Variants in ARK2C observed in about 807,000 individuals in gnomAD.
ARK2C encodes the protein arkadia (RNF111) C-terminal like ring finger ubiquitin ligase 2C, also known as E3 ubiquitin-protein ligase ARK2C.
chr18:46,362,642 G>A, the ARK2C span, among the ~76,000 whole-genome samples: 2,878 of 152,334 alleles, frequency 0.019, 44 homozygotes, highest in Non-Finnish European at 0.031. Flanking sequence ...CAGACATATG[G>A]TTTCTTGGCC....
the ARK2C span, among the ~76,000 whole-genome samples, chr18:46,453,534 A>G: frequency 6.6e-6 from 1 of 152,186 alleles, no homozygotes; most frequent in Non-Finnish European, 1.5e-5. Context: ...GGAATAAAAT[A>G]TTATAAAAAA....
chr18:46,429,765 ACT>A, the ARK2C span, among the ~76,000 whole-genome samples: 1 of 151,710 alleles, frequency 6.6e-6, no homozygotes, highest in Non-Finnish European at 1.5e-5. Flanking sequence ...TTTTTAAAAT[ACT>A]CTTTTTTTTT....
the ARK2C span, among the ~76,000 whole-genome samples, chr18:46,407,383 G>A: frequency 6.6e-6 from 1 of 152,018 alleles, no homozygotes; most frequent in Non-Finnish European, 1.5e-5. Context: ...TTTCTTGCTT[G>A]CTCACATGTT....
the ARK2C span, among the ~76,000 whole-genome samples, chr18:46,404,425 C>T: frequency 6.6e-6 from 1 of 152,114 alleles, no homozygotes; most frequent in Admixed American, 6.5e-5. Context: ...CAATGCACTC[C>T]ATCTTCATTG....
At chr18:46,422,211 T>C in the ARK2C span, among the ~76,000 whole-genome samples, 1 of 152,336 alleles carries the variant, frequency 6.6e-6, no homozygotes, top group East Asian at 1.9e-4. Context: ...TTAGCTTATG[T>C]AGTGTACCCC....
chr18:46,351,746 T>A, the ARK2C span, among the ~76,000 whole-genome samples: 1 of 152,182 alleles, frequency 6.6e-6, no homozygotes, highest in Non-Finnish European at 1.5e-5. Context: ...AGGCCTAGGT[T>A]TAAGTCCAGC....
At chr18:46,437,290 G>C in the ARK2C span, among the ~76,000 whole-genome samples, 1 of 152,070 alleles carries the variant, frequency 6.6e-6, no homozygotes, top group South Asian at 2.1e-4. Context: ...GGCCAGCCTA[G>C]TGGCGCCGAG....
chr18:46,425,314 AG>A, the ARK2C span, among the ~76,000 whole-genome samples: 1 of 152,214 alleles, frequency 6.6e-6, no homozygotes, highest in Non-Finnish European at 1.5e-5. Flanking sequence ...GTCAGCTGGC[AG>A]GCCTGCAACA....
the ARK2C span, among the ~76,000 whole-genome samples, chr18:46,417,461 C>A: frequency 6.6e-6 from 1 of 152,252 alleles, no homozygotes; most frequent in Admixed American, 6.5e-5. Context: ...AGGGCCTTTG[C>A]GTGTGCAGTT....
chr18:46,406,394 C>T, the ARK2C span, among the ~76,000 whole-genome samples: 1 of 152,218 alleles, frequency 6.6e-6, no homozygotes, highest in African/African-American at 2.4e-5. Context: ...CGGGGCTGGC[C>T]AGCTGGAATC....
At chr18:46,436,813 T>A in the ARK2C span, among the ~76,000 whole-genome samples, 1 of 152,238 alleles carries the variant, frequency 6.6e-6, no homozygotes, top group Non-Finnish European at 1.5e-5. Context: ...AAGATTTAAT[T>A]GCAATTTGGA....
chr18:46,433,248 G>C, the ARK2C span: 1 of 1,607,816 alleles, frequency 6.2e-7, no homozygotes, highest in Admixed American at 1.7e-5. Context: ...ACTTCCACCT[G>C]GGCCCCCCGC....
At chr18:46,410,770 G>T in the ARK2C span, among the ~76,000 whole-genome samples, 1 of 152,224 alleles carries the variant, frequency 6.6e-6, no homozygotes, top group East Asian at 1.9e-4. Context: ...GTTCTCATTG[G>T]TTTGGCTGCT....
chr18:46,442,985 G>T, the ARK2C span, among the ~76,000 whole-genome samples: 3 of 152,200 alleles, frequency 2.0e-5, no homozygotes, highest in East Asian at 5.8e-4. Context: ...TAGCACTTAC[G>T]GGGTATATCT....
the ARK2C span, among the ~76,000 whole-genome samples, chr18:46,396,269 G>A: frequency 5.3e-5 from 8 of 152,232 alleles, no homozygotes; most frequent in East Asian, 3.8e-4. Flanking sequence ...GGGAGCAGAA[G>A]TGAAGAGGAG....
the ARK2C span, among the ~76,000 whole-genome samples, chr18:46,403,319 AG>A: frequency 6.6e-6 from 1 of 152,198 alleles, no homozygotes; most frequent in Non-Finnish European, 1.5e-5. Context: ...GAACAGCCCA[AG>A]GCTAAGCACA....
At chr18:46,412,065 T>C in the ARK2C span, among the ~76,000 whole-genome samples, 3 of 152,164 alleles carry the variant, frequency 2.0e-5, no homozygotes, top group African/African-American at 7.2e-5. Context: ...TTAAATGCCC[T>C]CTCTTCCCCA....
the ARK2C span, among the ~76,000 whole-genome samples, chr18:46,379,094 A>G: frequency 6.6e-6 from 1 of 152,178 alleles, no homozygotes; most frequent in Non-Finnish European, 1.5e-5. Context: ...GCAATGAAGG[A>G]AAGGGAAGGC....
chr18:46,450,311 C>A, the ARK2C span: 1 of 1,613,858 alleles, frequency 6.2e-7, no homozygotes, highest in South Asian at 1.1e-5. Flanking sequence ...CCATGAAATC[C>A]GAAACTACCC....
Sources: allele counts gnomAD v4.1 joint callset (sites outside exome capture counted in the v4.1 genomes callset), GRCh38; gene constraint gnomAD v4.1.1; transcripts MANE v1.5; gene names NCBI Gene and HGNC (gene_info 2026-07-23, HGNC 2026-07-21).